FBXL7: variants seen among roughly 807,000 people sequenced by gnomAD.
FBXL7 encodes the protein F-box and leucine rich repeat protein 7.
FBXL7 carries 12 observed loss-of-function variants against 38.3 expected under a neutral mutation model. The observed-to-expected ratio is 0.31, with a 90% CI of 0.20 to 0.51. The LOEUF (loss-of-function observed/expected upper bound fraction) is 0.51, where lower values mean the gene tolerates loss of function less well. FBXL7 is among the 20% of genes least tolerant of loss of function. The pLI, the probability that FBXL7 is intolerant of heterozygous loss-of-function variation, is 0.98. For missense variants in FBXL7, 567 were observed against 676.4 expected, an observed-to-expected ratio of 0.84 and a Z score of 1.79; for synonymous variants, 297 against 300.9, an observed-to-expected ratio of 0.99 and a Z score of 0.13.
rs573141566 is a variant in FBXL7 at position 15,647,982 on chromosome 5, GA to G, written c.127+31912del. Among the ~76,000 whole-genome samples, 16 of 152,324 alleles carry G rather than the reference GA, an allele frequency of 1.1e-4. No homozygotes were observed. In the East Asian group the frequency reaches 3.1e-3, roughly 29 times the overall value. On this transcript the variant is annotated intron_variant, in intron 2 of 3. Transcript: ENST00000504595. ...TGAGAGTAGGTGCCAGTAGGCACTG[GA>G]ATGCTCCAGGAGAATGCCCGTGTCT...
chr5:15,922,813 T>C (rs1741777897), intron 2 of FBXL7, among the ~76,000 whole-genome samples: 1 of 152,130 alleles, frequency 6.6e-6, no homozygotes, highest in African/African-American at 2.4e-5. Flanking sequence ...AAATGTAAAA[T>C]ACATTAAAAT....
intron 2 of FBXL7, among the ~76,000 whole-genome samples, chr5:15,742,221 C>G: frequency 6.6e-6 from 1 of 152,088 alleles, no homozygotes; most frequent in Non-Finnish European, 1.5e-5. Context: ...TTCCTAAGTC[C>G]TCCCTCTGTG....
chr5:15,668,592 A>T (rs1742360700), intron 2 of FBXL7, among the ~76,000 whole-genome samples: 1 of 152,074 alleles, frequency 6.6e-6, no homozygotes, highest in African/African-American at 2.4e-5. Context: ...TGATGGCTGG[A>T]TCTTGAGCAG....
chr5:15,745,923 T>C (rs2126679804), intron 2 of FBXL7, among the ~76,000 whole-genome samples: 1 of 152,328 alleles, frequency 6.6e-6, no homozygotes, highest in East Asian at 1.9e-4. Flanking sequence ...GAGACTCTCA[T>C]GGTCAAGCTT....
intron 2 of FBXL7, among the ~76,000 whole-genome samples, chr5:15,845,595 A>G (rs527859714): frequency 1.3e-5 from 2 of 152,360 alleles, no homozygotes; most frequent in South Asian, 4.1e-4. Flanking sequence ...CATGTTTCAT[A>G]TTAAAAGTAG....
chr5:15,863,910 A>G (rs1739591645), intron 2 of FBXL7, among the ~76,000 whole-genome samples: 1 of 152,158 alleles, frequency 6.6e-6, no homozygotes, highest in Non-Finnish European at 1.5e-5. Context: ...TGAACTTGGT[A>G]GCCATTAGAA....
intron 1 of FBXL7, chr5:15,501,335 G>C (rs1373246270): frequency 1.3e-6 from 1 of 772,536 alleles, no homozygotes; most frequent in Non-Finnish European, 1.6e-6. Flanking sequence ...TGTCAAGTGG[G>C]AACTTGGAAG....
Position 15,936,396 on chromosome 5 carries a change from G to A in FBXL7, c.740-54G>A, listed in dbSNP as rs1294821924. 3.8e-6 allele frequency: 6 copies of A among 1,570,322 alleles called. No homozygotes were observed. In the East Asian group the frequency reaches 1.1e-4, roughly 29 times the overall value. ...GGAATGCCCCAGGGCATCCCCAGGC[G>A]TGGCTCCCCTGCTGGCAGGTTGCTC... On this transcript the variant is annotated intron_variant, in intron 3 of 3. Transcript: ENST00000504595. This position sits in a 1 kb window ranked among gnomAD's most constrained non-coding sequence, Gnocchi z 6.0.
intron 1 of FBXL7, among the ~76,000 whole-genome samples, chr5:15,506,543 A>G (rs998398860): frequency 6.6e-6 from 1 of 152,198 alleles, no homozygotes. Context: ...AAGCTGCCAT[A>G]ACAAAGTACC....
chr5:15,836,910 C>A (rs1738606763), intron 2 of FBXL7, among the ~76,000 whole-genome samples: 1 of 152,166 alleles, frequency 6.6e-6, no homozygotes, highest in Non-Finnish European at 1.5e-5. Flanking sequence ...ACCCTTTCTC[C>A]AGGCAAGACC....
intron 2 of FBXL7, among the ~76,000 whole-genome samples, chr5:15,637,058 A>G (rs556351414): frequency 6.6e-6 from 1 of 152,312 alleles, no homozygotes; most frequent in Non-Finnish European, 1.5e-5. Flanking sequence ...AGCTCTTCCA[A>G]TGACTCCATT....
intron 2 of FBXL7, among the ~76,000 whole-genome samples, chr5:15,875,619 A>G (rs1024272642): frequency 2.6e-5 from 4 of 152,242 alleles, no homozygotes; most frequent in Non-Finnish European, 4.4e-5. Flanking sequence ...TTTTCAAAAG[A>G]AGACATTTAT....
intron 2 of FBXL7, among the ~76,000 whole-genome samples, chr5:15,840,767 A>G (rs1738724634): frequency 6.6e-6 from 1 of 150,568 alleles, no homozygotes; most frequent in Non-Finnish European, 1.5e-5. Context: ...GAATCGCTTG[A>G]ACCCAGGAGG....
At chr5:15,577,594 T>TTG (rs34405217) in intron 1 of FBXL7, among the ~76,000 whole-genome samples, 3,607 of 147,544 alleles carry the variant, frequency 0.024, 95 homozygotes, top group African/African-American at 0.067. Flanking sequence ...GTAATGCATT[T>TTG]TGTGTGTGTG....
At chr5:15,508,783 T>C (rs1736715534) in intron 1 of FBXL7, among the ~76,000 whole-genome samples, 1 of 152,220 alleles carries the variant, frequency 6.6e-6, no homozygotes, top group Non-Finnish European at 1.5e-5. Flanking sequence ...ATTATGCATG[T>C]GAGTGTATTA....
chr5:15,609,835 G>A (rs1740166645), intron 1 of FBXL7, among the ~76,000 whole-genome samples: 1 of 152,218 alleles, frequency 6.6e-6, no homozygotes, highest in African/African-American at 2.4e-5. Flanking sequence ...AGGGACTGAG[G>A]TGACAGCAAT....
chr5:15,567,922 A>G (rs1052833715), intron 1 of FBXL7, among the ~76,000 whole-genome samples: 3 of 152,052 alleles, frequency 2.0e-5, no homozygotes, highest in Non-Finnish European at 2.9e-5. Flanking sequence ...CAAAAGACAT[A>G]TACTCATCAT....
chr5:15,634,514 G>GC (rs1038879465), intron 2 of FBXL7, among the ~76,000 whole-genome samples: 13 of 148,764 alleles, frequency 8.7e-5, no homozygotes, highest in Admixed American at 1.3e-4. Context: ...TTGGGGGGGG[G>GC]GTTTACCCTA....
At chr5:15,616,550 T>C (rs1322820373) in intron 2 of FBXL7, among the ~76,000 whole-genome samples, 1 of 152,188 alleles carries the variant, frequency 6.6e-6, no homozygotes, top group East Asian at 1.9e-4. Flanking sequence ...AGGGGGTTTC[T>C]TTATTATTAT....
Sources: gnomAD v4.1 joint callset for allele counts (sites outside exome capture counted in the v4.1 genomes callset) on GRCh38, gnomAD v4.1.1 for gene constraint, Gnocchi (gnomAD v3.1) non-coding constraint, MANE v1.5 for transcripts, NCBI Gene and HGNC (gene_info 2026-07-23, HGNC 2026-07-21) for gene names.